The following NIPBL variants were observed in gnomAD, a reference collection of about 807,000 sequenced individuals.
NIPBL encodes the protein nipped-B-like protein.
Under a neutral mutation model 321.8 loss-of-function variants are expected in NIPBL, and 19 were observed. The observed-to-expected ratio is 0.06, with a 90% CI of 0.04 to 0.09. The LOEUF is 0.09. Ranked by LOEUF, NIPBL falls within the 10% of genes least tolerant of loss-of-function variation. The pLI, the probability that NIPBL is intolerant of heterozygous loss-of-function variation, is 1.00. For synonymous variants in NIPBL, 1,106 were observed against 1,114.1 expected, an observed-to-expected ratio of 0.99 and a Z score of 0.14; for missense variants, 2,210 against 3,327.0, an observed-to-expected ratio of 0.66 and a Z score of 8.26.
chr5:37,014,659 T>C lies in NIPBL; in HGVS notation c.4561-24T>C, dbSNP rs200519148. ...TAACTTATTATTTCTTGTATCTTTA[T>C]AAACTCACTTTTTTTCATTCTAGAT... On this transcript the variant is annotated intron_variant, in intron 21 of 46. Coordinates refer to ENST00000282516, the MANE Select transcript of NIPBL (RefSeq NM_133433.4). The C allele has an allele frequency of 1.3e-5, 19 of 1,427,036 alleles. No homozygotes were observed. In the African/African-American group the frequency reaches 2.4e-4, roughly 18 times the overall value. The allele number at this position is 1,427,036 out of a possible 1,614,324, so 88.4% of individuals were successfully genotyped here.
chr5:36,984,463 A>G (rs376941014), intron 9 of NIPBL, among the ~76,000 whole-genome samples: 2 of 152,096 alleles, frequency 1.3e-5, no homozygotes, highest in African/African-American at 4.8e-5. Flanking sequence ...TTTTTACTAT[A>G]TTTATTGAGA....
chr5:37,045,641 A>G, intron 37 of NIPBL, 44 bp downstream of exon 37: 2 of 1,580,236 alleles, frequency 1.3e-6, no homozygotes, highest in Admixed American at 1.7e-5. Context: ...ATAGAGCTAT[A>G]TGGCACTGTG....
At chr5:37,009,944 T>G in intron 20 of NIPBL, 143 bp from the exon 21 acceptor site, 1 of 664,732 alleles carries the variant, frequency 1.5e-6, no homozygotes, top group South Asian at 1.8e-5. Context: ...TTACAACAAA[T>G]AATTACACAT....
intron 1 of NIPBL, among the ~76,000 whole-genome samples, chr5:36,878,812 A>G (rs1044746458): frequency 2.2e-4 from 34 of 152,124 alleles, no homozygotes; most frequent in African/African-American, 8.2e-4. Flanking sequence ...CGTGTCCGTG[A>G]TTTGTATTGG....
chr5:37,049,869 T>C (rs764046177), intron 40 of NIPBL, among the ~76,000 whole-genome samples: 1 of 152,220 alleles, frequency 6.6e-6, no homozygotes, highest in Non-Finnish European at 1.5e-5. Flanking sequence ...CACCATAGGC[T>C]ACAAAAGTGT....
intron 1 of NIPBL, 35 bp from the exon 2 acceptor site, chr5:36,953,583 T>G: frequency 1.2e-6 from 1 of 869,092 alleles, no homozygotes; most frequent in South Asian, 1.3e-5. Flanking sequence ...ATCTGACATA[T>G]CTCTACAAAT....
At chr5:37,026,913 CAA>C (rs778655592) in intron 31 of NIPBL, among the ~76,000 whole-genome samples, 5 of 116,868 alleles carry the variant, frequency 4.3e-5, no homozygotes, top group African/African-American at 3.2e-5. Context: ...GATCCCTTCT[CAA>C]AAAAAAAAAA....
chr5:36,922,437 T>C (rs1317620580), intron 1 of NIPBL, among the ~76,000 whole-genome samples: 1 of 152,106 alleles, frequency 6.6e-6, no homozygotes, highest in African/African-American at 2.4e-5. Flanking sequence ...GAAAAAGTAT[T>C]TTGAGTCCTT....
chr5:37,010,318 T>TTTC, intron 21 of NIPBL, 93 bp downstream of exon 21: 2 of 1,140,318 alleles, frequency 1.8e-6, no homozygotes, highest in Non-Finnish European at 2.6e-6. Flanking sequence ...GTTCTTTTTT[T>TTTC]TTCTTTCTTT....
chr5:36,931,280 A>G (rs1376437645), intron 1 of NIPBL, among the ~76,000 whole-genome samples: 1 of 151,212 alleles, frequency 6.6e-6, no homozygotes, highest in African/African-American at 2.4e-5. Flanking sequence ...TAAGTTGTGT[A>G]ATTTGTTGGC....
intron 17 of NIPBL, among the ~76,000 whole-genome samples, chr5:37,007,065 G>A (rs909033863): frequency 2.0e-5 from 3 of 151,842 alleles, no homozygotes; most frequent in South Asian, 2.1e-4. Context: ...TGCTCCAATG[G>A]AGAAAAGTAG....
At chr5:36,946,296 T>A (rs1739664951) in intron 1 of NIPBL, among the ~76,000 whole-genome samples, 1 of 151,924 alleles carries the variant, frequency 6.6e-6, no homozygotes, top group Non-Finnish European at 1.5e-5. Context: ...TCCAGCAGAC[T>A]TTCTGTTGCC....
At chr5:36,991,134 G>A (rs757460785) in intron 10 of NIPBL, among the ~76,000 whole-genome samples, 8 of 151,734 alleles carry the variant, frequency 5.3e-5, no homozygotes, top group Non-Finnish European at 1.2e-4. Context: ...AAATATTAGC[G>A]TTTTCTGGCT....
chr5:36,928,044 C>T (rs1318969261), intron 1 of NIPBL, among the ~76,000 whole-genome samples: 1 of 151,894 alleles, frequency 6.6e-6, no homozygotes, highest in African/African-American at 2.4e-5. Context: ...ACTCGATGCA[C>T]AAAAAGAGCA....
intron 46 of NIPBL, 170 bp from the exon 47 acceptor site, chr5:37,064,357 T>C (rs1027590050): frequency 4.1e-6 from 4 of 985,266 alleles, no homozygotes; most frequent in Middle Eastern, 5.2e-4. Context: ...TACAAGTATA[T>C]GTTAACCCCT....
At chr5:36,963,126 A>T (rs570528838) in intron 6 of NIPBL, among the ~76,000 whole-genome samples, 29 of 152,224 alleles carry the variant, frequency 1.9e-4, no homozygotes, top group Non-Finnish European at 3.2e-4. Flanking sequence ...ATGTCTTTTT[A>T]AGGTTATATT....
chr5:37,060,889 T>A lies in NIPBL; in HGVS notation c.7731T>A (p.Asp2577Glu). The A allele has an allele frequency of 6.2e-7, 1 of 1,614,070 alleles. No homozygotes were observed. Among genetic ancestry groups the A allele is most frequent in the Non-Finnish European group, 8.5e-7 (1 of 1,179,986 alleles). Residue 2577 changes from aspartate to glutamate, a missense_variant, in exon 45 of 47, where the codon GAT becomes GAA. By Grantham distance (45) the Asp-to-Glu change is conservative (BLOSUM62 2). Around this residue, in one of 14 missense-constraint regions of NIPBL, gnomAD observed 159 missense variants for 319.2 expected, o/e 0.50. Coordinates refer to ENST00000282516, the MANE Select transcript of NIPBL (RefSeq NM_133433.4). The stretch of plus-strand genomic sequence containing the variant: ...CATCTGAATCTGCAAAAGTATATGA[T>A]AAAGCGATAAACCGAAAAACAGGAG... ...YSPSESAKVY[D>E]KAINRKTGVH... is the part of the protein sequence containing the mutation.
intron 9 of NIPBL, among the ~76,000 whole-genome samples, chr5:36,977,697 C>T (rs530074459): frequency 6.6e-6 from 1 of 150,888 alleles, no homozygotes; most frequent in East Asian, 2.0e-4. Context: ...TTGTAGTGAA[C>T]CCGTCACCCA....
rs1298079693 is a variant in NIPBL at position 37,044,527 on chromosome 5, A to C, written c.6249+40A>C. On this transcript the variant is annotated intron_variant, in intron 35 of 46. Transcript: ENST00000282516. The stretch of plus-strand genomic sequence containing the variant: ...TACCATTTCTTTATTCATTAGTGTA[A>C]AGTTCTAATGTATTTTATTAAAATT... 3 of 1,601,654 alleles carry C rather than the reference A, an allele frequency of 1.9e-6. No homozygotes were observed. The East Asian group carries it at 6.7e-5, about 36-fold the overall frequency.
Sources: gnomAD v4.1 joint callset for allele counts (sites outside exome capture counted in the v4.1 genomes callset) on GRCh38, gnomAD v4.1.1 for gene constraint, gnomAD v4.1.1 regional missense constraint, MANE v1.5 for transcripts, NCBI Gene and HGNC (gene_info 2026-07-23, HGNC 2026-07-21) for gene names.